Variants in ANAPC1 observed in about 807,000 individuals in gnomAD.
ANAPC1 encodes anaphase promoting complex subunit 1.
ANAPC1 carries 36 observed loss-of-function variants against 208.0 expected under a neutral mutation model. The observed-to-expected ratio is 0.17, with a 90% CI of 0.13 to 0.23. ANAPC1 has a LOEUF of 0.23. Ranked by LOEUF, ANAPC1 falls within the 10% of genes least tolerant of loss-of-function variation. ANAPC1 has a pLI of 1.00. For synonymous variants in ANAPC1, 378 were observed against 695.2 expected (o/e 0.54, Z 7.18); for missense variants, 942 against 2,011.6 (o/e 0.47, Z 10.17).
chr2:111,772,178 A>T (rs1255227444), intron 47 of ANAPC1, among the ~76,000 whole-genome samples, 163 bp downstream of exon 47: 9 of 148,270 alleles, frequency 6.1e-5, no homozygotes, highest in Admixed American at 4.7e-4. Flanking sequence ...TTCATATATA[A>T]AGTTGATAAT....
intron 21 of ANAPC1, among the ~76,000 whole-genome samples, chr2:111,826,755 G>T (rs1679860088): frequency 6.6e-6 from 1 of 151,706 alleles, no homozygotes; most frequent in African/African-American, 2.4e-5. Flanking sequence ...CCGCCTCCTG[G>T]GTTCAAGCGA....
chr2:111,823,480 G>A (rs1679658908), intron 24 of ANAPC1, among the ~76,000 whole-genome samples: 1 of 151,578 alleles, frequency 6.6e-6, no homozygotes, highest in Non-Finnish European at 1.5e-5. Flanking sequence ...ATATTCATTA[G>A]CAATACTGGT....
At chr2:111,807,685 C>T (rs1318451949) in intron 29 of ANAPC1, among the ~76,000 whole-genome samples, 1 of 147,558 alleles carries the variant, frequency 6.8e-6, no homozygotes, top group African/African-American at 2.5e-5. Flanking sequence ...GAGCAAGACT[C>T]TCTCAAAAAA....
rs531936327 is a variant in ANAPC1 at position 111,834,745 on chromosome 2, C to A, written c.2243G>T (p.Ser748Ile). The A allele has an allele frequency of 3.1e-6, 5 of 1,613,488 alleles. No individual in the cohort carries two copies. In the East Asian group the frequency reaches 1.1e-4, roughly 36 times the overall value. Residue 748 changes from serine to isoleucine, a missense_variant, in exon 19 of 48, where the codon AGT becomes ATT. Ser to Ile is a moderately radical substitution (Grantham distance 142, BLOSUM62 -2). Coordinates refer to ENST00000341068, the MANE Select transcript of ANAPC1 (RefSeq NM_022662.4). The part of the protein sequence containing the change: ...MKDEDFSQNL[S>I]LDSSTLLFTH... The stretch of plus-strand genomic sequence containing the variant: ...AAAGAGAAGTGTAGAAGAATCCAGA[C>A]TGAGATTCTGTGAAAAATCCTCATC...
chr2:111,829,844 C>T (rs1680038075), intron 21 of ANAPC1, among the ~76,000 whole-genome samples: 3 of 151,836 alleles, frequency 2.0e-5, no homozygotes, highest in Non-Finnish European at 4.4e-5. Context: ...CTGAGCCAGG[C>T]GGATCACTTG....
intron 18 of ANAPC1, among the ~76,000 whole-genome samples, chr2:111,837,445 C>T (rs1244929311): frequency 6.6e-6 from 1 of 152,096 alleles, no homozygotes; most frequent in Admixed American, 6.5e-5. Flanking sequence ...CATGGTGAAA[C>T]CCCATCTCTA....
At chr2:111,858,961 C>G (rs997535084) in intron 10 of ANAPC1, among the ~76,000 whole-genome samples, 2 of 152,122 alleles carry the variant, frequency 1.3e-5, no homozygotes, top group African/African-American at 4.8e-5. Context: ...TTAACAATTA[C>G]TGATGAACTT....
intron 10 of ANAPC1, among the ~76,000 whole-genome samples, chr2:111,862,124 G>A (rs1298840626): frequency 6.6e-6 from 1 of 150,736 alleles, no homozygotes; most frequent in East Asian, 2.0e-4. Flanking sequence ...GGCTGGTCTC[G>A]AACTCCTAGG....
chr2:111,813,850 T>C (rs1466083932), intron 28 of ANAPC1, among the ~76,000 whole-genome samples: 1 of 148,610 alleles, frequency 6.7e-6, no homozygotes, highest in Non-Finnish European at 1.5e-5. Context: ...TGCATACCAT[T>C]ATACCCCAAC....
At chr2:111,868,662 T>C (rs1190668996) in intron 6 of ANAPC1, among the ~76,000 whole-genome samples, 1 of 151,998 alleles carries the variant, frequency 6.6e-6, no homozygotes, top group East Asian at 1.9e-4. Context: ...TCCCGAGTAG[T>C]TGGGATTACA....
At chr2:111,811,568 T>A (rs2104405501) in intron 28 of ANAPC1, among the ~76,000 whole-genome samples, 1 of 123,854 alleles carries the variant, frequency 8.1e-6, no homozygotes, top group East Asian at 2.4e-4. Flanking sequence ...AGGATGCCTT[T>A]TTCTCCCCTC....
chr2:111,771,687 TTATCAGA>T (rs1676747297), intron 47 of ANAPC1, among the ~76,000 whole-genome samples: 1 of 151,686 alleles, frequency 6.6e-6, no homozygotes. Flanking sequence ...TAGTAAACTT[TTATCAGA>T]GGCTTGCAAA....
chr2:111,818,108 TA>T (rs1679332245), intron 27 of ANAPC1, among the ~76,000 whole-genome samples: 1 of 105,008 alleles, frequency 9.5e-6, no homozygotes, highest in Non-Finnish European at 2.0e-5. Context: ...CAAAAAACTG[TA>T]ATTTCCAACA....
At chr2:111,874,663 T>C (rs1263702307) in intron 3 of ANAPC1, among the ~76,000 whole-genome samples, 1 of 152,384 alleles carries the variant, frequency 6.6e-6, no homozygotes, top group Non-Finnish European at 1.5e-5. Context: ...TGTTTATCCA[T>C]TCATCTGTCA....
rs952548217 is a variant in ANAPC1, at chr2:111,800,345, C to G, written c.4296+452G>C. Among the ~76,000 whole-genome samples, 121 of 134,728 alleles carry G rather than the reference C, an allele frequency of 9.0e-4. 3 individuals carry two copies. The highest frequency in any genetic ancestry group is 1.6e-3 in the Non-Finnish European group (98 of 62,118). The allele number at this position is 134,728 out of a possible 152,430, so 88.4% of individuals were successfully genotyped here. On this transcript the variant is annotated intron_variant, in intron 34 of 47. Transcript: ENST00000341068. ...ACAATATTCGGTTTTCAGTTTTTACCAAAAAAATCTGTTCATTTTTAACTA... is the reference window on the plus strand; with the variant it reads ...ACAATATTCGGTTTTCAGTTTTTACGAAAAAAATCTGTTCATTTTTAACTA...
rs1205121778 is a variant in ANAPC1, at chr2:111,828,274, AAAT to A, written c.2626-2422_2626-2420del. ...TATAATTTTTAAAAAAACAAATAGA[AAAT>A]AATAATATGTGTTGGCAAGACCGTA... is the stretch of plus-strand genomic sequence containing the variant. On this transcript the variant is annotated intron_variant, in intron 21 of 47. Transcript: ENST00000341068. Among the ~76,000 whole-genome samples the A allele has an allele frequency of 7.7e-4, 118 of 152,320 alleles. 3 individuals carry two copies. The Middle Eastern group carries it at 0.017, about 22-fold the overall frequency.
intron 47 of ANAPC1, among the ~76,000 whole-genome samples, chr2:111,770,230 A>ATATATATATAC (rs1558652585): frequency 5.6e-5 from 5 of 89,424 alleles, no homozygotes; most frequent in African/African-American, 2.2e-4. Flanking sequence ...TATATATATA[A>ATATATATATAC]ATTCTTTAAA....
At chr2:111,766,596 A>G (rs1676478654), downstream of ANAPC1, 1 of 213,978 alleles carries the variant, frequency 4.7e-6, no homozygotes, top group African/African-American at 2.3e-5. Flanking sequence ...ATTCCCCCCC[A>G]ATTTGATCAG....
Position 111,788,254 on chromosome 2 carries a change from T to C in ANAPC1, c.4779A>G (p.Pro1593=), listed in dbSNP as rs1196428244. 3 of 1,613,492 alleles carry C rather than the reference T, an allele frequency of 1.9e-6. No individual in the cohort carries two copies. The East Asian group carries it at 6.7e-5, about 36-fold the overall frequency. The part of the protein sequence containing the change: ...ALLCALYPHF[P]AHSTDNRYHL... ...CTCACCGGTTGTCAGTGCTGTGAGCTGGGAAGTGCGGATAAAGGGCACAGA... is the reference window on the plus strand; with the variant it reads ...CTCACCGGTTGTCAGTGCTGTGAGCCGGGAAGTGCGGATAAAGGGCACAGA... Residue 1593 remains proline (P), a synonymous_variant, in exon 39 of 48, where the codon CCA becomes CCG. Transcript: ENST00000341068.
Sources: gnomAD v4.1 joint callset for allele counts (sites outside exome capture counted in the v4.1 genomes callset) on GRCh38, gnomAD v4.1.1 for gene constraint, MANE v1.5 for transcripts, NCBI Gene and HGNC (gene_info 2026-07-23, HGNC 2026-07-21) for gene names.